The following ZFHX3 variants were observed in gnomAD, a reference collection of about 807,000 sequenced individuals.
ZFHX3 encodes the protein zinc finger homeobox protein 3.
In ZFHX3, 42 loss-of-function variants were observed where a neutral mutation model predicts 279.1. That is an observed-to-expected ratio of 0.15 (90% CI 0.12 to 0.19). The LOEUF is 0.19. Ranked by LOEUF, ZFHX3 falls within the 10% of genes least tolerant of loss-of-function variation. ZFHX3 has a pLI of 1.00. For missense variants in ZFHX3, 4,981 were observed against 4,754.0 expected (o/e 1.05, Z -1.40); for synonymous variants, 2,293 against 1,957.8 (o/e 1.17, Z -4.52).
intron 4 of ZFHX3, among the ~76,000 whole-genome samples, chr16:73,295,773 C>A (rs1445110529): frequency 6.6e-6 from 1 of 152,080 alleles, no homozygotes; most frequent in African/African-American, 2.4e-5. Context: ...TGTCAAGGGA[C>A]TGGGGGGACA....
At chr16:73,476,950 A>C (rs2018775720) in intron 2 of ZFHX3, among the ~76,000 whole-genome samples, 1 of 152,256 alleles carries the variant, frequency 6.6e-6, no homozygotes, top group South Asian at 2.1e-4. Context: ...AGTCTCCAAT[A>C]GCACTGATAA....
At chr16:73,786,543 T>A (rs1959652504) in intron 1 of ZFHX3, among the ~76,000 whole-genome samples, 8 of 152,168 alleles carry the variant, frequency 5.3e-5, no homozygotes, top group Admixed American at 5.2e-4. Flanking sequence ...GAAGGAGGAA[T>A]CCTCTCAATT....
At chr16:73,849,163 A>G (rs536044964) in intron 1 of ZFHX3, among the ~76,000 whole-genome samples, 1 of 152,308 alleles carries the variant, frequency 6.6e-6, no homozygotes, top group African/African-American at 2.4e-5. Flanking sequence ...ATCTATAAAC[A>G]TGGTCAAAGG....
At chr16:72,899,529 G>A (rs527649581) in intron 3 of ZFHX3, among the ~76,000 whole-genome samples, 6 of 152,182 alleles carry the variant, frequency 3.9e-5, no homozygotes, top group African/African-American at 9.6e-5. Context: ...TATTAATAGC[G>A]TGAGAACGAA....
intron 1 of ZFHX3, among the ~76,000 whole-genome samples, chr16:73,743,875 G>T (rs2053680733): frequency 6.6e-6 from 1 of 152,106 alleles, no homozygotes; most frequent in African/African-American, 2.4e-5. Flanking sequence ...CATGCATCTA[G>T]ACCAAAATCT....
chr16:73,471,342 G>A (rs1163571361), intron 2 of ZFHX3, among the ~76,000 whole-genome samples: 2 of 152,154 alleles, frequency 1.3e-5, no homozygotes, highest in Non-Finnish European at 2.9e-5. Context: ...GCCAAGGTAG[G>A]CTATTCATGC....
At chr16:73,375,298 G>A (rs1259464852) in intron 3 of ZFHX3, among the ~76,000 whole-genome samples, 4 of 152,156 alleles carry the variant, frequency 2.6e-5, no homozygotes, top group African/African-American at 4.8e-5. Flanking sequence ...GGCACTTCAA[G>A]TTGACTCATG....
intron 2 of ZFHX3, among the ~76,000 whole-genome samples, chr16:73,653,392 C>T (rs1405896905): frequency 6.6e-6 from 1 of 152,084 alleles, no homozygotes; most frequent in African/African-American, 2.4e-5. Flanking sequence ...AGAGCATTTT[C>T]TCTGATCAGA....
chr16:73,089,190 G>A (rs1173375246), intron 8 of ZFHX3, among the ~76,000 whole-genome samples: 8 of 151,982 alleles, frequency 5.3e-5, no homozygotes, highest in African/African-American at 1.9e-4. Flanking sequence ...TGCAACCTCC[G>A]CCTCCCAGGT....
chr16:73,503,660 G>T (rs2019276469), intron 2 of ZFHX3, among the ~76,000 whole-genome samples: 2 of 152,180 alleles, frequency 1.3e-5, no homozygotes, highest in Non-Finnish European at 2.9e-5. Context: ...AAAGAACGCA[G>T]GATGGCCCTG....
chr16:73,111,993 G>A (rs1417502609), intron 7 of ZFHX3, among the ~76,000 whole-genome samples: 1 of 151,998 alleles, frequency 6.6e-6, no homozygotes, highest in African/African-American at 2.4e-5. Context: ...TCGCTTTAGA[G>A]GGGACTGGAG....
intron 1 of ZFHX3, among the ~76,000 whole-genome samples, chr16:72,975,061 C>T (rs888901286): frequency 2.0e-5 from 3 of 152,128 alleles, no homozygotes; most frequent in African/African-American, 4.8e-5. Flanking sequence ...ACCACCAGGA[C>T]GCAAGGGCTT....
intron 1 of ZFHX3, among the ~76,000 whole-genome samples, chr16:73,017,723 A>T (rs924088166): frequency 1.5e-4 from 23 of 152,020 alleles, no homozygotes; most frequent in African/African-American, 5.6e-4. Flanking sequence ...AGAATTGTCC[A>T]ACCATCCATT....
At position 72,889,888 on chromosome 16, in the gene ZFHX3, G is replaced by C; in HGVS notation, c.3291C>G (p.Thr1097=). 1.9e-6 allele frequency: 3 copies of C among 1,614,184 alleles called. No individual in the cohort carries two copies. Among genetic ancestry groups the C allele is most frequent in the Non-Finnish European group, 2.5e-6 (3 of 1,180,052 alleles). Residue 1097 remains threonine (T), a synonymous_variant, in exon 4 of 10, where the codon ACC becomes ACG. Coordinates refer to ENST00000268489, the MANE Select transcript of ZFHX3 (RefSeq NM_006885.4). ...GCTGGATGAGGTTGAGCTTGGCCTTGGTGGAGTAGTTGCACAGAACGCAGT... is the reference window on the plus strand; with the variant it reads ...GCTGGATGAGGTTGAGCTTGGCCTTCGTGGAGTAGTTGCACAGAACGCAGT... ...YYHCVLCNYS[T]KAKLNLIQHV... is the part of the protein sequence containing the mutation.
intron 3 of ZFHX3, among the ~76,000 whole-genome samples, chr16:72,931,813 T>TTATGCAACGAGGGTATGTGAGC (rs1455507200): frequency 6.6e-6 from 1 of 152,162 alleles, no homozygotes; most frequent in Non-Finnish European, 1.5e-5. Context: ...ATGAACTCAC[T>TTATGCAACGAGGGTATGTGAGC]TATGCAACGA....
intron 4 of ZFHX3, among the ~76,000 whole-genome samples, chr16:72,883,007 T>G (rs1005414039): frequency 1.4e-5 from 2 of 141,524 alleles, no homozygotes; most frequent in Non-Finnish European, 1.6e-5. Flanking sequence ...TGTGTGTGTG[T>G]GTGTGTGTGT....
At chr16:73,676,235 T>C (rs1018519981) in intron 2 of ZFHX3, among the ~76,000 whole-genome samples, 1 of 151,980 alleles carries the variant, frequency 6.6e-6, no homozygotes, top group Non-Finnish European at 1.5e-5. Context: ...TTTTGAAAAA[T>C]AAACATATGC....
chr16:72,804,055 TAACA>T (rs1338959334), intron 7 of ZFHX3, among the ~76,000 whole-genome samples: 1 of 152,246 alleles, frequency 6.6e-6, no homozygotes, highest in African/African-American at 2.4e-5. Flanking sequence ...GATATATTCC[TAACA>T]AACAGGTTTT....
rs893644492 is a variant in ZFHX3, at chr16:73,147,467, C to T, written c.-1103-3636G>A. On this transcript the variant is annotated intron_variant, in intron 5 of 17. Coordinates refer to the ZFHX3 transcript ENST00000641206. Reference sequence around the variant, plus strand: ...CAGCACTTTGGGAGGCCGAGGCGGGCGGATCACGAGGTCAGGAGATCGAGA... The same window carrying T: ...CAGCACTTTGGGAGGCCGAGGCGGGTGGATCACGAGGTCAGGAGATCGAGA... 4.0e-5 allele frequency among the ~76,000 whole-genome samples: 6 copies of T among 151,364 alleles called. No individual in the cohort carries two copies. The East Asian group carries it at 7.8e-4, about 20-fold the overall frequency.
Sources: allele counts gnomAD v4.1 joint callset (sites outside exome capture counted in the v4.1 genomes callset), GRCh38; gene constraint gnomAD v4.1.1; transcripts MANE v1.5; gene names NCBI Gene and HGNC (gene_info 2026-07-23, HGNC 2026-07-21).